Variants in SEPTIN3 observed in about 807,000 individuals in gnomAD.
SEPTIN3 encodes the protein septin 3.
SEPTIN3 carries 15 observed loss-of-function variants against 45.1 expected under a neutral mutation model. The ratio of observed to expected loss-of-function variants is 0.33; its 90% CI spans 0.22 to 0.51. SEPTIN3 has a LOEUF of 0.51. Among genes scored for constraint, SEPTIN3 ranks in the 20% least tolerant of loss-of-function variants. SEPTIN3 has a pLI of 0.97. For synonymous variants in SEPTIN3, 148 were observed against 164.8 expected (o/e 0.90, Z 0.78); for missense variants, 289 against 457.2 (o/e 0.63, Z 3.35).
At chr22:41,982,556 A>G (rs1325670985) in intron 3 of SEPTIN3, among the ~76,000 whole-genome samples, 5 of 151,298 alleles carry the variant, frequency 3.3e-5, no homozygotes, top group African/African-American at 1.2e-4. Context: ...ATTTCCAGGG[A>G]TTTGGTCACT....
chr22:41,982,499 A>T (rs2078138453), intron 3 of SEPTIN3, among the ~76,000 whole-genome samples: 1 of 151,728 alleles, frequency 6.6e-6, no homozygotes, highest in South Asian at 2.1e-4. Context: ...CAAGAGTGAA[A>T]CTCCGCCTCA....
intron 6 of SEPTIN3, among the ~76,000 whole-genome samples, chr22:41,988,448 T>C (rs2078245672): frequency 6.6e-6 from 1 of 152,050 alleles, no homozygotes; most frequent in Non-Finnish European, 1.5e-5. Flanking sequence ...ATAACATTAC[T>C]AAGCCCAGCT....
At chr22:41,986,666 ATTT>A (rs1315187962) in intron 4 of SEPTIN3, among the ~76,000 whole-genome samples, 1 of 151,436 alleles carries the variant, frequency 6.6e-6, no homozygotes, top group Non-Finnish European at 1.5e-5. Flanking sequence ...CGCCCGGCTA[ATTT>A]TTTTTGTATT....
At chr22:41,992,830 T>C in intron 9 of SEPTIN3, 67 bp downstream of exon 9, 1 of 1,094,176 alleles carries the variant, frequency 9.1e-7, no homozygotes, top group Non-Finnish European at 1.4e-6. Context: ...TTATTAAGCA[T>C]CTATAGGTCA....
Position 41,972,573 on chromosome 22 carries a change from G to T in SEPTIN3, c.1081G>T (p.Gly361Cys), listed in dbSNP as rs1602408353. The change falls in exon 2 of 12, where the codon GGC becomes TGC. Residue 361 changes from glycine to cysteine, a missense_variant. Around this residue, in one of 3 missense-constraint regions of SEPTIN3, gnomAD observed 200 missense variants for 315.1 expected, o/e 0.63. Transcript: ENST00000644076. ...GATAGCCTCAGAACCAGACAAGCTGGGCAAAGCCATGGCTACAAGAAGCAC... is the reference window on the plus strand; with the variant it reads ...GATAGCCTCAGAACCAGACAAGCTGTGCAAAGCCATGGCTACAAGAAGCAC... ...DLIASEPDKL[G>C]KAMATRSTAK... 7.5e-6 allele frequency: 3 copies of T among 399,144 alleles called. No individual in the cohort carries two copies. The East Asian group carries it at 1.1e-4, about 14-fold the overall frequency. The allele number at this position is 399,144 out of a possible 1,614,324, so 24.7% of individuals were successfully genotyped here. A position where few individuals can be genotyped will look rare whatever the true frequency, so the allele number is the denominator to read the frequency against.
chr22:41,993,248 C>T (rs1031433894), intron 9 of SEPTIN3, among the ~76,000 whole-genome samples: 1 of 152,124 alleles, frequency 6.6e-6, no homozygotes, highest in African/African-American at 2.4e-5. Context: ...GTATAAGCTA[C>T]CAAAGCACCG....
intron 5 of SEPTIN3, 54 bp from the exon 6 acceptor site, chr22:41,987,568 T>G: frequency 1.9e-6 from 3 of 1,575,834 alleles, no homozygotes; most frequent in Non-Finnish European, 1.7e-6. Flanking sequence ...ATGCCTAAGC[T>G]GAGCCCTAGG....
rs576576730 is a variant in SEPTIN3 at position 41,974,352 on chromosome 22, C to T, written c.1504+1356C>T. 1.2e-4 allele frequency among the ~76,000 whole-genome samples: 18 copies of T among 151,954 alleles called. No individual in the cohort carries two copies. The South Asian group carries it at 2.5e-3, about 21-fold the overall frequency. On this transcript the variant is annotated intron_variant, in intron 2 of 11. Transcript: ENST00000644076. Reference sequence around the variant, plus strand: ...CTGGGAGGCTAAGGCGGGTGGATCACGAGGTGAGTTGTTCAAGACTAGCCT... The same window carrying T: ...CTGGGAGGCTAAGGCGGGTGGATCATGAGGTGAGTTGTTCAAGACTAGCCT...
intron 11 of SEPTIN3, chr22:41,996,165 A>T (rs578223576): frequency 2.0e-6 from 2 of 985,130 alleles, no homozygotes; most frequent in East Asian, 1.1e-4. Flanking sequence ...GACATTCCCA[A>T]TGATACCCAC....
intron 2 of SEPTIN3, among the ~76,000 whole-genome samples, chr22:41,975,682 C>T (rs1290262461): frequency 6.6e-6 from 1 of 152,102 alleles, no homozygotes; most frequent in African/African-American, 2.4e-5. Flanking sequence ...CCCGGGTATC[C>T]TCTTCTTCCT....
At chr22:41,993,219 G>A (rs564600685) in intron 9 of SEPTIN3, among the ~76,000 whole-genome samples, 8 of 152,292 alleles carry the variant, frequency 5.3e-5, no homozygotes, top group South Asian at 4.1e-4. Flanking sequence ...GGAGGAGAGC[G>A]GGTGCTCCTG....
At chr22:41,970,579 C>A (rs1398605493) in intron 1 of SEPTIN3, among the ~76,000 whole-genome samples, 2 of 152,138 alleles carry the variant, frequency 1.3e-5, no homozygotes, top group African/African-American at 4.8e-5. Context: ...TGGCCTGGAC[C>A]CCAGCTCACC....
At chr22:41,987,476 G>C (rs911975030) in intron 5 of SEPTIN3, 146 bp from the exon 6 acceptor site, 27 of 1,165,658 alleles carry the variant, frequency 2.3e-5, no homozygotes, top group African/African-American at 3.1e-5. Context: ...TCGGTGCGGG[G>C]GCTGAGGGGG....
At position 41,994,268 on chromosome 22, in the gene SEPTIN3, CTTTGT is replaced by C. The variant is rs2078382251; in HGVS notation, c.2360-10_2360-6del. 6.2e-7 allele frequency: 1 copy of C among 1,612,552 alleles called. No homozygotes were observed. ...ATTAATGAACTGACTACCTGTTTTG[CTTTGT>C]TTTGTTTTGTTCATAGTGGAAAACC... On this transcript the variant is annotated splice_polypyrimidine_tract_variant and intron_variant, in intron 9 of 11. Transcript: ENST00000644076. This position sits in a 1 kb window ranked among gnomAD's most constrained non-coding sequence, Gnocchi z 4.2.
intron 2 of SEPTIN3, among the ~76,000 whole-genome samples, chr22:41,981,054 C>T (rs2078112421): frequency 6.6e-6 from 1 of 152,150 alleles, no homozygotes; most frequent in Non-Finnish European, 1.5e-5. Flanking sequence ...AGGTCAGTGA[C>T]AGTTAATAGA....
At chr22:41,996,256 A>G (rs2078435431) in intron 11 of SEPTIN3, 2 of 985,226 alleles carry the variant, frequency 2.0e-6, no homozygotes, top group African/African-American at 1.7e-5. Context: ...TTGTTGTACA[A>G]GTAAGTTACT....
chr22:41,979,480 T>C (rs2078087107), intron 2 of SEPTIN3, among the ~76,000 whole-genome samples: 1 of 152,132 alleles, frequency 6.6e-6, no homozygotes, highest in African/African-American at 2.4e-5. Context: ...AAGGCCCAGC[T>C]TGTGTGAGCA....
In SEPTIN3 at chr22:41,989,560, GC is replaced by G. The variant is rs1569439935; in HGVS notation, c.2046-3del. 1 of 1,605,518 alleles carries G rather than the reference GC, an allele frequency of 6.2e-7. No homozygotes were observed. On this transcript the variant is annotated splice_region_variant and splice_polypyrimidine_tract_variant and intron_variant, in intron 6 of 11. Coordinates refer to ENST00000644076, the MANE Select transcript of SEPTIN3 (RefSeq NM_001363845.2). ...GCTCTGATGATTCTGCCTTTTCTGT[GC>G]CCCAGCTTGCGACCTCTGGATCTTG...
intron 8 of SEPTIN3, among the ~76,000 whole-genome samples, chr22:41,992,217 A>G (rs1203880919): frequency 6.6e-6 from 1 of 152,104 alleles, no homozygotes; most frequent in Non-Finnish European, 1.5e-5. Context: ...TATCTCTACA[A>G]AACCTGCAAA....
Sources: gnomAD v4.1 joint callset for allele counts (sites outside exome capture counted in the v4.1 genomes callset) on GRCh38, gnomAD v4.1.1 for gene constraint, gnomAD v4.1.1 regional missense constraint, Gnocchi (gnomAD v3.1) non-coding constraint, MANE v1.5 for transcripts, NCBI Gene and HGNC (gene_info 2026-07-23, HGNC 2026-07-21) for gene names.